The following TENM1 variants were observed in gnomAD, a reference collection of about 807,000 sequenced individuals.
The protein encoded by TENM1 is teneurin-1.
A neutral mutation model predicts 174.8 loss-of-function variants in TENM1; 35 were observed. That is an observed-to-expected ratio of 0.20 (90% CI 0.15 to 0.27). The LOEUF (loss-of-function observed/expected upper bound fraction) is 0.27. Among genes scored for constraint, TENM1 ranks in the 10% least tolerant of loss-of-function variants. The pLI is 1.00. For missense variants in TENM1, 1,633 were observed against 2,130.1 expected, an observed-to-expected ratio of 0.77 and a Z score of 4.59; for synonymous variants, 781 against 798.7, an observed-to-expected ratio of 0.98 and a Z score of 0.37.
At chrX:124,452,185 A>T (rs1338966692) in intron 23 of TENM1, among the ~76,000 whole-genome samples, 3 of 112,719 alleles carry the variant, frequency 2.7e-5, no homozygotes, top group African/African-American at 9.7e-5. Flanking sequence ...AGAAAAAACA[A>T]ACAACCCATC....
intron 1 of TENM1, among the ~76,000 whole-genome samples, chrX:124,950,016 A>T (rs1160460151): frequency 9.0e-6 from 1 of 110,975 alleles, no homozygotes; most frequent in African/African-American, 3.3e-5. Flanking sequence ...ATGGAGAAAC[A>T]GTGGCCTCAG....
intron 3 of TENM1, among the ~76,000 whole-genome samples, chrX:124,764,538 A>AT (rs1264813564): frequency 1.8e-5 from 2 of 110,847 alleles, no homozygotes; most frequent in Non-Finnish European, 3.8e-5. Flanking sequence ...GGAGTTTCTT[A>AT]TTTTATCAAT....
At chrX:124,884,335 C>A (rs1289713569) in intron 3 of TENM1, among the ~76,000 whole-genome samples, 1 of 108,997 alleles carries the variant, frequency 9.2e-6, no homozygotes, top group Non-Finnish European at 1.9e-5. Flanking sequence ...CTATTGGAGA[C>A]CGAGCTCTCA....
intron 8 of TENM1, among the ~76,000 whole-genome samples, chrX:124,650,171 C>T (rs1292857278): frequency 1.1e-5 from 1 of 87,896 alleles, no homozygotes; most frequent in Non-Finnish European, 2.1e-5. Context: ...CATTGCACTC[C>T]AGCCTGGGCG....
the TENM1 span, among the ~76,000 whole-genome samples, chrX:125,192,211 GA>G: frequency 2.7e-5 from 3 of 109,737 alleles, no homozygotes; most frequent in Non-Finnish European, 5.7e-5. Flanking sequence ...AAGGCCCTGA[GA>G]AAAAAAAAGA....
chrX:124,482,471 A>G (rs758489309), intron 21 of TENM1, among the ~76,000 whole-genome samples: 28 of 111,493 alleles, frequency 2.5e-4, no homozygotes, highest in Non-Finnish European at 1.3e-4. Flanking sequence ...CCAAAGCTCA[A>G]GGAGTGTCGC....
chrX:124,593,705 C>G (rs746097393), intron 11 of TENM1, among the ~76,000 whole-genome samples: 4 of 111,938 alleles, frequency 3.6e-5, no homozygotes, highest in Non-Finnish European at 7.5e-5. Flanking sequence ...ACCATGACCT[C>G]AGGGGAGCAG....
chrX:124,764,212 T>G (rs758270588), intron 3 of TENM1, among the ~76,000 whole-genome samples: 1 of 111,684 alleles, frequency 9.0e-6, no homozygotes, highest in East Asian at 2.8e-4. Flanking sequence ...ATGGACATAG[T>G]CAAATGAGTG....
intron 3 of TENM1, among the ~76,000 whole-genome samples, chrX:124,873,959 G>A (rs1266978109): frequency 9.0e-6 from 1 of 111,296 alleles, no homozygotes; most frequent in Non-Finnish European, 1.9e-5. Flanking sequence ...TTCTCTTTAA[G>A]GCTGCAGAGT....
the TENM1 span, among the ~76,000 whole-genome samples, chrX:125,162,491 C>G: frequency 8.9e-6 from 1 of 111,868 alleles, no homozygotes; most frequent in Non-Finnish European, 1.9e-5. Context: ...GCCTATTCAG[C>G]TTTTCTGCAA....
the TENM1 span, among the ~76,000 whole-genome samples, chrX:124,981,841 A>G: frequency 9.0e-6 from 1 of 110,827 alleles, no homozygotes; most frequent in Non-Finnish European, 1.9e-5. Flanking sequence ...AATGAAAATA[A>G]CCTCTGGGAA....
chrX:124,603,802 C>G (rs1234588535), intron 11 of TENM1, among the ~76,000 whole-genome samples: 1 of 111,691 alleles, frequency 9.0e-6, no homozygotes, highest in Non-Finnish European at 1.9e-5. Context: ...CAAGACATGT[C>G]CTGTTACTTA....
chrX:124,962,559 C>G (rs946323856), intron 1 of TENM1, among the ~76,000 whole-genome samples: 2 of 112,065 alleles, frequency 1.8e-5, no homozygotes, highest in African/African-American at 6.5e-5. Context: ...GTGGCTCATG[C>G]CTATAATCCC....
chrX:124,841,639 A>C (rs75187915), intron 3 of TENM1, among the ~76,000 whole-genome samples: 1 of 107,668 alleles, frequency 9.3e-6, no homozygotes, highest in East Asian at 2.9e-4. Flanking sequence ...AAAAAAAAAA[A>C]GGAATGGACT....
At chrX:124,453,197 T>C in intron 23 of TENM1, 140 bp downstream of exon 26, 1 of 601,345 alleles carries the variant, frequency 1.7e-6, no homozygotes, top group Non-Finnish European at 2.5e-6. Flanking sequence ...AAAAGTAACT[T>C]ACATAAAGAG....
the TENM1 span, among the ~76,000 whole-genome samples, chrX:125,057,256 C>T: frequency 2.7e-5 from 3 of 110,745 alleles, no homozygotes; most frequent in African/African-American, 9.8e-5. Flanking sequence ...AAATTTATAC[C>T]CTCTCGGGCA....
At chrX:124,797,141 T>A (rs1397530162) in intron 3 of TENM1, among the ~76,000 whole-genome samples, 2 of 111,828 alleles carry the variant, frequency 1.8e-5, no homozygotes, top group African/African-American at 6.5e-5. Flanking sequence ...ACTCCTGGCA[T>A]TTTTGGGTTG....
chrX:125,054,092 C>A, the TENM1 span, among the ~76,000 whole-genome samples: 1 of 111,790 alleles, frequency 8.9e-6, no homozygotes, highest in African/African-American at 3.3e-5. Flanking sequence ...CTAGTATCAG[C>A]ATTTAGTCAC....
chrX:124,941,360 C>G (rs1383588473), intron 1 of TENM1, among the ~76,000 whole-genome samples: 1 of 111,921 alleles, frequency 8.9e-6, no homozygotes, highest in Non-Finnish European at 1.9e-5. Flanking sequence ...TTCTATAATA[C>G]CACTTGTCTT....
Sources: allele counts gnomAD v4.1 joint callset (sites outside exome capture counted in the v4.1 genomes callset), GRCh38; gene constraint gnomAD v4.1.1; transcripts MANE v1.5; gene names NCBI Gene and HGNC (gene_info 2026-07-23, HGNC 2026-07-21).